Variants in CFAP97 observed in about 807,000 individuals in gnomAD.
The protein encoded by CFAP97 is cilia and flagella associated protein 97.
A neutral mutation model predicts 43.1 loss-of-function variants in CFAP97; 36 were observed. The ratio of observed to expected loss-of-function variants is 0.84; its 90% CI spans 0.64 to 1.10. The LOEUF is 1.10. CFAP97 is among the 50% of genes least tolerant of loss of function. CFAP97 has a pLI of 0.00. For synonymous variants in CFAP97, 228 were observed against 225.7 expected (o/e 1.01, Z -0.09); for missense variants, 657 against 620.3 (o/e 1.06, Z -0.63).
In CFAP97 at chr4:185,161,495, G is replaced by C. The variant is rs1027732101; in HGVS notation, c.*1303C>G. 1 of 152,114 alleles carries C rather than the reference G, an allele frequency of 6.6e-6. No individual in the cohort carries two copies. Among genetic ancestry groups the C allele is most frequent in the African/African-American group, 2.4e-5 (1 of 41,434 alleles). The allele number at this position is 152,114 out of a possible 1,614,324, so 9.4% of individuals were successfully genotyped here. On this transcript the variant is annotated 3_prime_UTR_variant, in exon 5 of 5. Coordinates refer to ENST00000458385, the MANE Select transcript of CFAP97 (RefSeq NM_020827.3). ...AAAAAGATATTTGTCATTTAACATG[G>C]AACCTTTCCAATACATTTTAAGGGC...
upstream of CFAP97, chr4:185,209,773 GC>G (rs1737448542): frequency 1.0e-6 from 1 of 983,930 alleles, no homozygotes; most frequent in Admixed American, 6.2e-5. The surrounding 1 kb of genome is among the most constrained non-coding windows in gnomAD (Gnocchi z 5.2). Context: ...CGGAGCGCCG[GC>G]GGGGGACCGG....
chr4:185,195,569 C>T (rs1232674868), intron 1 of CFAP97, among the ~76,000 whole-genome samples: 2 of 152,088 alleles, frequency 1.3e-5, no homozygotes, highest in Admixed American at 6.5e-5. Context: ...TTCATGAGCA[C>T]AAACATACAA....
intron 4 of CFAP97, among the ~76,000 whole-genome samples, chr4:185,163,509 C>T (rs1372028165): frequency 6.6e-6 from 1 of 152,008 alleles, no homozygotes; most frequent in African/African-American, 2.4e-5. Context: ...AATGGTCACT[C>T]CATTCCTGTA....
chr4:185,205,745 C>A (rs190052945), upstream of CFAP97, among the ~76,000 whole-genome samples: 183 of 152,330 alleles, frequency 1.2e-3, no homozygotes, highest in African/African-American at 4.2e-3. Flanking sequence ...AGAAGAATCG[C>A]TTGAACCCAG....
chr4:185,190,839 T>A lies in CFAP97; in HGVS notation c.358A>T (p.Ile120Phe). 6.2e-7 allele frequency: 1 copy of A among 1,610,360 alleles called. No individual in the cohort carries two copies. The highest frequency in any genetic ancestry group is 1.1e-5 in the South Asian group (1 of 90,420). The change falls in exon 2 of 5, where the codon ATT becomes TTT. Residue 120 changes from isoleucine (I) to phenylalanine (F), a missense_variant. Ile to Phe is a conservative substitution (Grantham distance 21). Transcript: ENST00000458385. ...TCACCTTCTTTTACAATTTTGGGAA[T>A]TCTATTTGGAATGGACACGTGTATT... ...LKIHVSIPNR[I>F]PKIVKEGEDD...
At chr4:185,197,741 C>T (rs766373186) in intron 1 of CFAP97, among the ~76,000 whole-genome samples, 16 of 152,080 alleles carry the variant, frequency 1.1e-4, no homozygotes, top group Non-Finnish European at 2.4e-4. Context: ...TTTCCTAGTC[C>T]ACTTAACATC....
intron 2 of CFAP97, among the ~76,000 whole-genome samples, chr4:185,186,237 A>G (rs1736001691): frequency 6.6e-6 from 1 of 152,144 alleles, no homozygotes; most frequent in South Asian, 2.1e-4. Context: ...GTTCCAGACC[A>G]GCCTGACCAA....
chr4:185,171,116 A>G (rs1379615903), intron 3 of CFAP97, among the ~76,000 whole-genome samples: 6 of 152,126 alleles, frequency 3.9e-5, no homozygotes, highest in Non-Finnish European at 8.8e-5. Flanking sequence ...AGGTACAGAA[A>G]TCATCATTAC....
Position 185,162,819 on chromosome 4 carries a change from A to T in CFAP97, c.1578T>A (p.Asn526Lys). ...TGTTTTATAACCAAGCTGTACGGACATTAGGGGGTTTAGGTCTTCTTCGAG... is the reference window on the plus strand; with the variant it reads ...TGTTTTATAACCAAGCTGTACGGACTTTAGGGGGTTTAGGTCTTCTTCGAG... ...GHPRRRPKPP[N>K]VRTAWL Residue 526 changes from asparagine (N) to lysine (K), a missense_variant, in exon 5 of 5, where the codon AAT (asparagine) becomes AAA (lysine). Asn to Lys is a moderately conservative substitution (Grantham distance 94). Coordinates refer to ENST00000458385, the MANE Select transcript of CFAP97 (RefSeq NM_020827.3). The T allele has an allele frequency of 6.2e-7, 1 of 1,613,242 alleles. No individual in the cohort carries two copies. The highest frequency in any genetic ancestry group is 2.2e-5 in the East Asian group (1 of 44,884).
chr4:185,162,859 G>C lies in CFAP97; in HGVS notation c.1538C>G (p.Pro513Arg), dbSNP rs1390795775. The change falls in exon 5 of 5, where the codon CCC becomes CGC. Residue 513 changes from proline (P) to arginine (R), a missense_variant. Pro to Arg is a moderately radical substitution (Grantham distance 103). Transcript: ENST00000458385. ...TCTTCTTCGAGGGTGGCCACTGGAG[G>C]GGTCAACCGCTGATCGCTCACTCCT... ...SCRSERSAVD[P>R]SSGHPRRRPK... 1 of 1,612,424 alleles carries C rather than the reference G, an allele frequency of 6.2e-7. No homozygotes were observed. The highest frequency in any genetic ancestry group is 8.5e-7 in the Non-Finnish European group (1 of 1,179,326).
At chr4:185,173,502 T>G (rs1247562761) in intron 3 of CFAP97, among the ~76,000 whole-genome samples, 1 of 152,170 alleles carries the variant, frequency 6.6e-6, no homozygotes, top group African/African-American at 2.4e-5. Flanking sequence ...CAATATTCAC[T>G]TCAGTATTAT....
chr4:185,201,507 T>C (rs1346210163), intron 1 of CFAP97, among the ~76,000 whole-genome samples: 3 of 152,066 alleles, frequency 2.0e-5, no homozygotes, highest in East Asian at 1.9e-4. Flanking sequence ...TCAGCCGCCA[T>C]CAACAGTGAG....
chr4:185,203,579 A>G (rs566935410), intron 1 of CFAP97, among the ~76,000 whole-genome samples: 7 of 152,098 alleles, frequency 4.6e-5, no homozygotes, highest in Admixed American at 6.5e-5. Flanking sequence ...AGTAGGAAGA[A>G]GTCGTCAGGG....
chr4:185,169,016 T>C (rs1168042680), intron 3 of CFAP97: 1 of 152,240 alleles, frequency 6.6e-6, no homozygotes, highest in Non-Finnish European at 1.5e-5. Context: ...TTGAGCTACT[T>C]ACACATCCAT....
Position 185,191,002 on chromosome 4 carries a change from A to C in CFAP97, c.195T>G (p.Thr65=). ...TCACGTTTCTTTCATTTCCCTTCTC[A>C]GTAAGATAATTTTCTGTTGTTTGCA... is the stretch of plus-strand genomic sequence containing the variant. ...TGMQTTENYL[T]EKGNERNVKF... The change falls in exon 2 of 5, where the codon ACT becomes ACG. Residue 65 remains threonine, a synonymous_variant. Transcript: ENST00000458385. 6.2e-7 allele frequency: 1 copy of C among 1,613,644 alleles called. No individual in the cohort carries two copies. Among genetic ancestry groups the C allele is most frequent in the Non-Finnish European group, 8.5e-7 (1 of 1,179,706 alleles).
In CFAP97 at chr4:185,162,815, G is replaced by A. The variant is rs369524420; in HGVS notation, c.1582C>T (p.Arg528Cys). Residue 528 changes from arginine (R) to cysteine (C), a missense_variant, in exon 5 of 5, where the codon CGT (arginine) becomes TGT (cysteine). Physicochemically the swap from Arg to Cys is radical, Grantham distance 180 (BLOSUM62 -3). Coordinates refer to ENST00000458385, the MANE Select transcript of CFAP97 (RefSeq NM_020827.3). The stretch of plus-strand genomic sequence containing the variant: ...AAAGTGTTTTATAACCAAGCTGTAC[G>A]GACATTAGGGGGTTTAGGTCTTCTT... Reference protein sequence around the residue: ...PRRRPKPPNVRTAWL With the variant: ...PRRRPKPPNVCTAWL 1.9e-5 allele frequency: 31 copies of A among 1,612,940 alleles called. No homozygotes were observed. Among genetic ancestry groups the A allele is most frequent in the Non-Finnish European group, 2.3e-5 (27 of 1,179,592 alleles).
intron 2 of CFAP97, among the ~76,000 whole-genome samples, chr4:185,184,997 T>TG (rs1212707213): frequency 3.3e-5 from 5 of 152,214 alleles, no homozygotes; most frequent in African/African-American, 1.2e-4. Context: ...ATAAAAATTA[T>TG]GATTTAGTCA....
intron 3 of CFAP97, chr4:185,170,050 T>C (rs1236526692): frequency 8.4e-7 from 1 of 1,187,634 alleles, no homozygotes; most frequent in East Asian, 3.6e-5. Flanking sequence ...ATAAGAGTTC[T>C]GAAGTTACTC....
intron 2 of CFAP97, among the ~76,000 whole-genome samples, chr4:185,185,633 C>CT (rs376786641): frequency 0.48 from 50,763 of 106,012 alleles, 13,657 homozygotes; most frequent in Non-Finnish European, 0.53. Flanking sequence ...ATTTGCCAAC[C>CT]TTTTTTTTTT....
Sources: gnomAD v4.1 joint callset for allele counts (sites outside exome capture counted in the v4.1 genomes callset) on GRCh38, gnomAD v4.1.1 for gene constraint, Gnocchi (gnomAD v3.1) non-coding constraint, MANE v1.5 for transcripts, NCBI Gene and HGNC (gene_info 2026-07-23, HGNC 2026-07-21) for gene names.